The following INO80 variants were observed in gnomAD, a reference collection of about 807,000 sequenced individuals.
INO80 encodes chromatin-remodeling ATPase INO80.
In INO80, 20 loss-of-function variants were observed where a neutral mutation model predicts 203.4. That is an observed-to-expected ratio of 0.10 (90% CI 0.07 to 0.14). INO80 has a LOEUF of 0.14. Among genes scored for constraint, INO80 ranks in the 10% least tolerant of loss-of-function variants. INO80 has a pLI of 1.00. For missense variants in INO80, 1,419 were observed against 1,914.4 expected (o/e 0.74, Z 4.83); for synonymous variants, 726 against 685.2 (o/e 1.06, Z -0.93).
At chr15:41,066,363 G>T (rs1036432929) in intron 14 of INO80, among the ~76,000 whole-genome samples, 2 of 151,876 alleles carry the variant, frequency 1.3e-5, no homozygotes, top group African/African-American at 4.8e-5. Context: ...GTCTACGTTG[G>T]CAAGGCTGTT....
intron 24 of INO80, among the ~76,000 whole-genome samples, chr15:41,029,479 G>A (rs755437911): frequency 5.3e-5 from 8 of 152,234 alleles, no homozygotes; most frequent in Non-Finnish European, 1.2e-4. Context: ...CTGTCTTTAG[G>A]TGGTTTCTGA....
At chr15:40,995,666 G>A (rs2043871867) in intron 29 of INO80, among the ~76,000 whole-genome samples, 1 of 152,198 alleles carries the variant, frequency 6.6e-6, no homozygotes. Flanking sequence ...GTCCAAAAGA[G>A]CAGCTGGGAC....
At chr15:40,981,742 C>T (rs180850351) in intron 35 of INO80, among the ~76,000 whole-genome samples, 19 of 152,338 alleles carry the variant, frequency 1.2e-4, no homozygotes, top group African/African-American at 4.1e-4. Context: ...TCACATATCA[C>T]GGTCACAACA....
intron 7 of INO80, among the ~76,000 whole-genome samples, chr15:41,084,618 C>T (rs1284455047): frequency 6.6e-6 from 1 of 152,104 alleles, no homozygotes; most frequent in Non-Finnish European, 1.5e-5. Context: ...AGGAAAAATG[C>T]TTATACATGT....
intron 23 of INO80, among the ~76,000 whole-genome samples, chr15:41,046,538 A>G (rs1211084979): frequency 6.7e-6 from 1 of 149,764 alleles, no homozygotes; most frequent in Non-Finnish European, 1.5e-5. Context: ...TTTAAGATAT[A>G]TTATGAAGCA....
At chr15:41,061,354 CCTAGCA>C (rs2045103110) in intron 14 of INO80, among the ~76,000 whole-genome samples, 1 of 149,670 alleles carries the variant, frequency 6.7e-6, no homozygotes, top group Non-Finnish European at 1.5e-5. Context: ...CACCTGGAAT[CCTAGCA>C]CTTTGCAAGG....
Position 41,056,714 on chromosome 15 carries a change from A to G in INO80, c.1986-8T>C. 1 of 1,610,962 alleles carries G rather than the reference A, an allele frequency of 6.2e-7. No homozygotes were observed. On this transcript the variant is annotated splice_region_variant and splice_polypyrimidine_tract_variant and intron_variant, in intron 16 of 35. Transcript: ENST00000648947. ...AGGATCTTCCAACGAACACTGTTTG[A>G]TAAAATAAGTTACAAATTCATGTTA...
intron 1 of INO80, among the ~76,000 whole-genome samples, chr15:41,100,419 G>C (rs1051587826): frequency 6.6e-6 from 1 of 152,160 alleles, no homozygotes; most frequent in African/African-American, 2.4e-5. Context: ...ACCTATGTGA[G>C]TATGAAATCA....
intron 24 of INO80, among the ~76,000 whole-genome samples, chr15:41,043,170 A>G (rs1028596023): frequency 1.3e-5 from 2 of 152,238 alleles, no homozygotes; most frequent in Admixed American, 6.5e-5. Flanking sequence ...TGAGTGATGC[A>G]TATCTCTAGC....
chr15:41,042,173 C>T (rs546193905), intron 24 of INO80, among the ~76,000 whole-genome samples: 48 of 151,910 alleles, frequency 3.2e-4, no homozygotes, highest in African/African-American at 9.4e-4. Context: ...CCACCACACC[C>T]GGCTAATTGT....
chr15:40,979,980 T>C lies in INO80; in HGVS notation c.*243A>G. On this transcript the variant is annotated 3_prime_UTR_variant, in exon 36 of 36. Transcript: ENST00000648947. ...TTTAAGACTTGGCTATACAGTTCAC[T>C]TGAGATGCAGTGGGGCTGATCCATG... The C allele has an allele frequency of 1.8e-6, 1 of 552,816 alleles. No individual in the cohort carries two copies. Among genetic ancestry groups the C allele is most frequent in the East Asian group, 3.1e-5 (1 of 32,002 alleles). The allele number at this position is 552,816 out of a possible 1,614,324, so 34.2% of individuals were successfully genotyped here. A position where few individuals can be genotyped will look rare whatever the true frequency, so the allele number is the denominator to read the frequency against.
At chr15:41,093,081 C>G (rs755607192) in intron 4 of INO80, among the ~76,000 whole-genome samples, 5 of 152,012 alleles carry the variant, frequency 3.3e-5, no homozygotes, top group Non-Finnish European at 5.9e-5. Context: ...CACATCAATA[C>G]AGACAAAAAG....
At chr15:41,052,674 CAA>C (rs60685375) in intron 19 of INO80, among the ~76,000 whole-genome samples, 147 of 107,200 alleles carry the variant, frequency 1.4e-3, no homozygotes, top group Middle Eastern at 4.7e-3. Context: ...CCTTGTCTTA[CAA>C]AAAAAAAAAA....
chr15:41,016,983 C>T (rs951145272), intron 26 of INO80: 3 of 152,170 alleles, frequency 2.0e-5, no homozygotes, highest in South Asian at 4.1e-4. Flanking sequence ...ACCCAGCCCC[C>T]CTACCCTTTT....
chr15:41,095,707 T>C (rs759941004), intron 3 of INO80, 39 bp from the exon 4 acceptor site: 1 of 1,608,428 alleles, frequency 6.2e-7, no homozygotes, highest in South Asian at 1.1e-5. Flanking sequence ...AATTAAAGGA[T>C]GACTGCCCCA....
intron 24 of INO80, among the ~76,000 whole-genome samples, chr15:41,029,301 C>T (rs532146161): frequency 3.3e-5 from 5 of 151,032 alleles, no homozygotes; most frequent in Admixed American, 2.6e-4. Context: ...ACAGGGCTTA[C>T]ATCTCTGTAA....
At chr15:41,014,889 G>A (rs2044180870) in intron 27 of INO80, among the ~76,000 whole-genome samples, 1 of 152,072 alleles carries the variant, frequency 6.6e-6, no homozygotes, top group Non-Finnish European at 1.5e-5. Context: ...CCTAGATAAG[G>A]AAAATAACAG....
intron 24 of INO80, among the ~76,000 whole-genome samples, chr15:41,033,872 G>A (rs967341376): frequency 1.5e-4 from 23 of 151,912 alleles, no homozygotes; most frequent in Admixed American, 8.5e-4. Flanking sequence ...TAACGCTAGA[G>A]TAGAAACCCT....
At chr15:41,052,477 A>C (rs1325251194) in intron 19 of INO80, among the ~76,000 whole-genome samples, 1 of 151,734 alleles carries the variant, frequency 6.6e-6, no homozygotes, top group South Asian at 2.1e-4. Context: ...GTTCAAGACT[A>C]GTCTGGGCAA....
Sources: gnomAD v4.1 joint callset for allele counts (sites outside exome capture counted in the v4.1 genomes callset) on GRCh38, gnomAD v4.1.1 for gene constraint, MANE v1.5 for transcripts, NCBI Gene and HGNC (gene_info 2026-07-23, HGNC 2026-07-21) for gene names.